The following SYBU variants were observed in gnomAD, a reference collection of about 807,000 sequenced individuals.
SYBU encodes the protein syntabulin, also known as GOLSYN A protein.
In SYBU, 21 loss-of-function variants were observed where a neutral mutation model predicts 35.9. That is an observed-to-expected ratio of 0.58 (90% confidence interval 0.41 to 0.84). The LOEUF is 0.84. Among genes scored for constraint, SYBU ranks in the 40% least tolerant of loss-of-function variants. The probability of loss-of-function intolerance (pLI) is 0.00; values close to 1 mark genes in which losing one functional copy is unlikely to be tolerated. For missense variants in SYBU, 768 were observed against 848.2 expected, an observed-to-expected ratio of 0.91 and a Z score of 1.17; for synonymous variants, 319 against 324.3, an observed-to-expected ratio of 0.98 and a Z score of 0.18.
At chr8:109,689,845 A>C (rs12544094) in intron 1 of SYBU, among the ~76,000 whole-genome samples, 3,876 of 151,364 alleles carry the variant, frequency 0.026, 178 homozygotes, top group Admixed American at 0.089. Context: ...AAAAAAAAAA[A>C]AAAAAAAAAA....
intron 3 of SYBU, among the ~76,000 whole-genome samples, chr8:109,600,896 C>T (rs1299682674): frequency 6.6e-6 from 1 of 152,192 alleles, no homozygotes; most frequent in Non-Finnish European, 1.5e-5. Context: ...GACATGTGTG[C>T]ATTGGGTGAT....
chr8:109,591,505 A>ATT (rs1563693024), intron 3 of SYBU, among the ~76,000 whole-genome samples: 8 of 124,842 alleles, frequency 6.4e-5, no homozygotes, highest in African/African-American at 2.7e-4. Context: ...AAAAAATGTA[A>ATT]ATTTTTTTTT....
rs1358293668 is a variant in SYBU, at chr8:109,584,442, T to G, written c.530+1618A>C. Among the ~76,000 whole-genome samples the G allele has an allele frequency of 6.6e-6, 1 of 152,200 alleles. No individual in the cohort carries two copies. Among genetic ancestry groups the G allele is most frequent in the South Asian group, 2.1e-4 (1 of 4,834 alleles). On this transcript the variant is annotated intron_variant, in intron 4 of 6. Coordinates refer to ENST00000276646, the MANE Select transcript of SYBU (RefSeq NM_001099754.2). This position sits in a 1 kb window ranked among gnomAD's most constrained non-coding sequence, Gnocchi z 4.0. ...GCCTTCCTTTTTTATCTTTTTGCCT[T>G]TCTATATTGTTTGATACTTTGTTCC...
intron 3 of SYBU, among the ~76,000 whole-genome samples, chr8:109,587,444 A>C (rs781778772): frequency 1.3e-5 from 2 of 152,210 alleles, no homozygotes; most frequent in Admixed American, 6.5e-5. Flanking sequence ...TCCAGGACCA[A>C]ATCTTCATGC....
At chr8:109,605,377 A>C (rs1825962985) in intron 3 of SYBU, among the ~76,000 whole-genome samples, 1 of 152,196 alleles carries the variant, frequency 6.6e-6, no homozygotes, top group Non-Finnish European at 1.5e-5. Flanking sequence ...ATGTTTAGCT[A>C]AACATATTCA....
chr8:109,684,161 G>A (rs1303049007), upstream of SYBU, among the ~76,000 whole-genome samples: 1 of 152,172 alleles, frequency 6.6e-6, no homozygotes, highest in Non-Finnish European at 1.5e-5. Flanking sequence ...AAGTGTTTAG[G>A]TATTGTCAGT....
rs1822213091 is a variant in SYBU at position 109,575,787 on chromosome 8, A to C, written c.1111T>G (p.Ser371Ala). ...DINIQNKKLE[S>A]LLQSMEMAHS... ...GCCATCTCCATGCTCTGAAGGAGAG[A>C]CTCCAGCTTCTTGTTTTGGATGTTT... The change falls in exon 7 of 7, where the codon TCT becomes GCT. Residue 371 changes from serine (S) to alanine (A), a missense_variant. Physicochemically the swap from Ser to Ala is moderately conservative, Grantham distance 99. Coordinates refer to ENST00000276646, the MANE Select transcript of SYBU (RefSeq NM_001099754.2). 6.2e-7 allele frequency: 1 copy of C among 1,613,708 alleles called. No homozygotes were observed. Among genetic ancestry groups the C allele is most frequent in the Non-Finnish European group, 8.5e-7 (1 of 1,179,918 alleles).
At chr8:109,677,443 C>CA (rs1334213071) in intron 1 of SYBU, among the ~76,000 whole-genome samples, 1 of 151,894 alleles carries the variant, frequency 6.6e-6, no homozygotes, top group Non-Finnish European at 1.5e-5. Flanking sequence ...AAGTAAATTG[C>CA]AAAAAAATAC....
chr8:109,655,236 G>A (rs1053698875), intron 1 of SYBU, among the ~76,000 whole-genome samples: 9 of 152,186 alleles, frequency 5.9e-5, no homozygotes, highest in African/African-American at 1.7e-4. Flanking sequence ...TTTGCCTTTC[G>A]GGTATATTCA....
At chr8:109,647,054 T>C (rs780103392), upstream of SYBU, 1 of 152,224 alleles carries the variant, frequency 6.6e-6, no homozygotes, top group Non-Finnish European at 1.5e-5. Flanking sequence ...AAAAGCTAAA[T>C]CAAGTCATGC....
At chr8:109,604,162 TA>T (rs1825831193) in intron 3 of SYBU, among the ~76,000 whole-genome samples, 2 of 152,056 alleles carry the variant, frequency 1.3e-5, no homozygotes, top group African/African-American at 2.4e-5. Context: ...AGGAGCCATC[TA>T]AAAAATTATT....
chr8:109,631,706 T>A (rs1813645553), intron 2 of SYBU, among the ~76,000 whole-genome samples: 1 of 152,126 alleles, frequency 6.6e-6, no homozygotes. Context: ...GAGGAGTTGG[T>A]GTTGAAATTG....
intron 2 of SYBU, among the ~76,000 whole-genome samples, chr8:109,622,882 T>C (rs1047627166): frequency 1.3e-5 from 2 of 152,216 alleles, no homozygotes; most frequent in Non-Finnish European, 2.9e-5. Flanking sequence ...ATGTTCCACA[T>C]TTCCAGAAGA....
chr8:109,632,323 G>A (rs1395047563), intron 2 of SYBU, among the ~76,000 whole-genome samples: 2 of 152,196 alleles, frequency 1.3e-5, no homozygotes, highest in Non-Finnish European at 2.9e-5. Context: ...TTACAGGCAT[G>A]AGCCACCGTG....
At chr8:109,645,062 G>C (rs1196749396), upstream of SYBU, 4 of 497,890 alleles carry the variant, frequency 8.0e-6, no homozygotes, top group African/African-American at 2.0e-5. Flanking sequence ...TGCGGCTAGC[G>C]GCATCTCCAG....
chr8:109,608,159 C>T, intron 3 of SYBU: 1 of 499,220 alleles, frequency 2.0e-6, no homozygotes, highest in East Asian at 3.1e-5. Flanking sequence ...GAGCACAGGG[C>T]CTTCTCCCTG....
Position 109,575,993 on chromosome 8 carries a change from A to G in SYBU, c.905T>C (p.Leu302Pro). 2 of 1,599,904 alleles carry G rather than the reference A, an allele frequency of 1.3e-6. No homozygotes were observed. The highest frequency in any genetic ancestry group is 1.7e-6 in the Non-Finnish European group (2 of 1,176,876). Reference sequence around the variant, plus strand: ...TCGCATGCGGGCCAGCTGGGACTTAAGCTCCACGATTTCACTTTCCCTAGA... The same window carrying G: ...TCGCATGCGGGCCAGCTGGGACTTAGGCTCCACGATTTCACTTTCCCTAGA... Reference protein sequence around the residue: ...LHERESEIVELKSQLARMRED... With the variant: ...LHERESEIVEPKSQLARMRED... The change falls in exon 7 of 7, where the codon CTT becomes CCT. Residue 302 changes from leucine to proline, a missense_variant. Leu to Pro is a moderately conservative substitution (Grantham distance 98). Transcript: ENST00000276646.
At chr8:109,645,633 G>GTTTTTGT (rs1554624997), upstream of SYBU, 8 of 230,826 alleles carry the variant, frequency 3.5e-5, no homozygotes, top group African/African-American at 1.9e-4. Flanking sequence ...TTCGTTTTTT[G>GTTTTTGT]TTTTTTTTTT....
At chr8:109,589,452 A>C (rs1823978544) in intron 3 of SYBU, among the ~76,000 whole-genome samples, 1 of 152,194 alleles carries the variant, frequency 6.6e-6, no homozygotes, top group Non-Finnish European at 1.5e-5. Flanking sequence ...TTATCCCAGG[A>C]CTGAACAGAC....
Sources: gnomAD v4.1 joint callset for allele counts (sites outside exome capture counted in the v4.1 genomes callset) on GRCh38, gnomAD v4.1.1 for gene constraint, Gnocchi (gnomAD v3.1) non-coding constraint, MANE v1.5 for transcripts, NCBI Gene and HGNC (gene_info 2026-07-23, HGNC 2026-07-21) for gene names.